FAT3: variants seen among roughly 807,000 people sequenced by gnomAD.
FAT3 encodes FAT atypical cadherin 3.
FAT3 carries 95 observed loss-of-function variants against 310.2 expected under a neutral mutation model. The ratio of observed to expected loss-of-function variants is 0.31; its 90% CI spans 0.26 to 0.36. The LOEUF (loss-of-function observed/expected upper bound fraction) is 0.36. Among genes scored for constraint, FAT3 ranks in the 10% least tolerant of loss-of-function variants. FAT3 has a pLI of 1.00. For missense variants in FAT3, 5,408 were observed against 5,715.6 expected (o/e 0.95, Z 1.74); for synonymous variants, 2,314 against 2,192.9 (o/e 1.06, Z -1.54).
intron 1 of FAT3, among the ~76,000 whole-genome samples, chr11:92,287,559 G>A (rs990043308): frequency 2.0e-5 from 3 of 152,098 alleles, no homozygotes; most frequent in Admixed American, 6.6e-5. Context: ...AAATGCTACT[G>A]TCAAGAAGTA....
chr11:92,317,087 C>T (rs1241200332), intron 1 of FAT3, among the ~76,000 whole-genome samples: 1 of 152,028 alleles, frequency 6.6e-6, no homozygotes, highest in African/African-American at 2.4e-5. Context: ...CTCAAGGCTA[C>T]AGGCAAGAAT....
chr11:92,491,178 CAGCAAAGATT>C (rs1952587780), intron 2 of FAT3, among the ~76,000 whole-genome samples: 1 of 152,026 alleles, frequency 6.6e-6, no homozygotes, highest in Admixed American at 6.6e-5. Flanking sequence ...ATTGTAACCA[CAGCAAAGATT>C]TAGCACTCAA....
chr11:92,536,314 A>G (rs1189967440), intron 3 of FAT3, among the ~76,000 whole-genome samples: 2 of 152,200 alleles, frequency 1.3e-5, no homozygotes, highest in Non-Finnish European at 2.9e-5. Flanking sequence ...TTTGCTGTAC[A>G]TAGTCATAGT....
intron 22 of FAT3, among the ~76,000 whole-genome samples, chr11:92,874,765 C>G (rs976538340): frequency 6.6e-6 from 1 of 152,128 alleles, no homozygotes; most frequent in Non-Finnish European, 1.5e-5. Flanking sequence ...TCTCAAACCC[C>G]CGAACTCAGG....
At chr11:92,431,638 G>A (rs946985887) in intron 2 of FAT3, among the ~76,000 whole-genome samples, 3 of 152,038 alleles carry the variant, frequency 2.0e-5, no homozygotes, top group Non-Finnish European at 4.4e-5. Flanking sequence ...GGTTTTTATG[G>A]TTTTAGGTCT....
intron 10 of FAT3, among the ~76,000 whole-genome samples, chr11:92,803,809 G>A (rs1227401426): frequency 6.6e-6 from 1 of 152,330 alleles, no homozygotes; most frequent in South Asian, 2.1e-4. Flanking sequence ...GTTGTCCCCA[G>A]TTGAGAACCA....
intron 1 of FAT3, among the ~76,000 whole-genome samples, chr11:92,311,715 G>A (rs2134457240): frequency 6.6e-6 from 1 of 151,996 alleles, no homozygotes; most frequent in South Asian, 2.1e-4. Flanking sequence ...TTGGCTCAAA[G>A]GTTTCTGTCA....
chr11:92,732,378 T>C (rs1945208532), intron 4 of FAT3, among the ~76,000 whole-genome samples: 1 of 152,182 alleles, frequency 6.6e-6, no homozygotes, highest in Admixed American at 6.5e-5. Context: ...TTTCATCCAC[T>C]ACTCACTCAC....
intron 1 of FAT3, among the ~76,000 whole-genome samples, chr11:92,318,160 A>T (rs1947515585): frequency 6.6e-6 from 1 of 152,172 alleles, no homozygotes. Context: ...GTAGACTGAG[A>T]TATAGACAGG....
chr11:92,452,518 T>G (rs1951382958), intron 2 of FAT3, among the ~76,000 whole-genome samples: 1 of 152,006 alleles, frequency 6.6e-6, no homozygotes, highest in Non-Finnish European at 1.5e-5. Context: ...AGGGTGGTAG[T>G]TGGTAGAGAA....
At chr11:92,248,324 C>T (rs1408493526) in intron 1 of FAT3, among the ~76,000 whole-genome samples, 2 of 152,006 alleles carry the variant, frequency 1.3e-5, no homozygotes, top group Admixed American at 1.3e-4. Flanking sequence ...GTATTTGAAT[C>T]AACACATCTC....
intron 1 of FAT3, among the ~76,000 whole-genome samples, chr11:92,302,453 G>C (rs540483501): frequency 6.6e-6 from 1 of 151,014 alleles, no homozygotes; most frequent in Non-Finnish European, 1.5e-5. Flanking sequence ...TCAAAAGGTT[G>C]TTTTATTTCC....
At chr11:92,357,306 A>G (rs1229028025) in intron 2 of FAT3, among the ~76,000 whole-genome samples, 1 of 152,194 alleles carries the variant, frequency 6.6e-6, no homozygotes, top group African/African-American at 2.4e-5. Flanking sequence ...CAGAGAAGAC[A>G]TAGAATGTGG....
chr11:92,626,155 A>G (rs944669618), intron 3 of FAT3, among the ~76,000 whole-genome samples: 5 of 152,206 alleles, frequency 3.3e-5, no homozygotes, highest in Admixed American at 6.5e-5. Context: ...GCAGCCCCAA[A>G]GCCTGAGTGA....
intron 2 of FAT3, among the ~76,000 whole-genome samples, chr11:92,405,294 G>T (rs1950113907): frequency 6.6e-6 from 1 of 152,162 alleles, no homozygotes; most frequent in Admixed American, 6.5e-5. Context: ...AGGCATCATG[G>T]AGGGTGCACC....
chr11:92,353,115 G>C lies in FAT3; in HGVS notation c.1003G>C (p.Glu335Gln). 1 of 1,613,642 alleles carries C rather than the reference G, an allele frequency of 6.2e-7. No homozygotes were observed. Among genetic ancestry groups the C allele is most frequent in the Non-Finnish European group, 8.5e-7 (1 of 1,179,852 alleles). ...KIKERKQIDW[E>Q]SFPYGYNLTL... is the part of the protein sequence containing the mutation. ...TAAGGAGAGGAAGCAGATTGACTGG[G>C]AGAGCTTTCCCTATGGCTACAATCT... The change falls in exon 2 of 28, where the codon GAG (glutamate) becomes CAG (glutamine). Residue 335 changes from glutamate (E) to glutamine (Q), a missense_variant. Physicochemically the swap from Glu to Gln is conservative, Grantham distance 29 (BLOSUM62 2). Coordinates refer to ENST00000525166, the MANE Select transcript of FAT3 (RefSeq NM_001367949.2).
intron 1 of FAT3, among the ~76,000 whole-genome samples, chr11:92,272,410 T>C (rs1946147293): frequency 6.6e-6 from 1 of 152,114 alleles, no homozygotes; most frequent in South Asian, 2.1e-4. Flanking sequence ...CATGACATAT[T>C]GTGAATTACT....
chr11:92,853,395 A>AC (rs1948884567), intron 19 of FAT3, among the ~76,000 whole-genome samples: 2 of 152,174 alleles, frequency 1.3e-5, no homozygotes, highest in South Asian at 4.1e-4. Flanking sequence ...CAGAACCTCA[A>AC]AGAGAGTGTC....
At chr11:92,325,822 G>A (rs538575592) in intron 1 of FAT3, among the ~76,000 whole-genome samples, 2 of 152,288 alleles carry the variant, frequency 1.3e-5, no homozygotes, top group East Asian at 1.9e-4. Flanking sequence ...AGTAGATACC[G>A]GGTTTCACCG....
Sources: allele counts gnomAD v4.1 joint callset (sites outside exome capture counted in the v4.1 genomes callset), GRCh38; gene constraint gnomAD v4.1.1; transcripts MANE v1.5; gene names NCBI Gene and HGNC (gene_info 2026-07-23, HGNC 2026-07-21).